Variants in CTSD observed in about 807,000 individuals in gnomAD.
The protein encoded by CTSD is cathepsin D, also known as ceroid-lipofuscinosis, neuronal 10.
A neutral mutation model predicts 43.6 loss-of-function variants in CTSD; 28 were observed. The ratio of observed to expected loss-of-function variants is 0.64; its 90% CI spans 0.48 to 0.88. The LOEUF is 0.88. CTSD is among the 40% of genes least tolerant of loss of function. CTSD has a pLI of 0.00. For synonymous variants in CTSD, 270 were observed against 249.8 expected (o/e 1.08, Z -0.76); for missense variants, 485 against 555.2 (o/e 0.87, Z 1.27).
Position 1,763,873 on chromosome 11 carries a change from G to A in CTSD, c.-14C>T, listed in dbSNP as rs1378764378. On this transcript the variant is annotated 5_prime_UTR_variant, in exon 1 of 9. Transcript: ENST00000236671. ...GGAGGGCTGCATGGCGGCGGCGGCC[G>A]GGTCGGAGAGGGTCGCCGAGGCCGT... The A allele has an allele frequency of 1.3e-6, 2 of 1,520,122 alleles. No homozygotes were observed. Among genetic ancestry groups the A allele is most frequent in the South Asian group, 1.2e-5 (1 of 82,128 alleles). 94.2% of individuals were successfully genotyped at this position (1,520,122 alleles called of 1,614,324 possible). A position where few individuals can be genotyped will look rare whatever the true frequency, so the allele number is the denominator to read the frequency against.
In CTSD at chr11:1,754,348, T is replaced by TGAGGGGCATGGAGGGATGGAGGGATG. The variant is rs1565019151; in HGVS notation, c.828-211_828-210insCATCCCTCCATCCCTCCATGCCCCTC. 1,788 of 381,008 alleles carry TGAGGGGCATGGAGGGATGGAGGGATG rather than the reference T, an allele frequency of 4.7e-3. 8 individuals are homozygous for TGAGGGGCATGGAGGGATGGAGGGATG. The highest frequency in any genetic ancestry group is 7.0e-3 in the Non-Finnish European group (1,491 of 213,376). The allele number at this position is 381,008 out of a possible 1,614,324, so 23.6% of individuals were successfully genotyped here. A position where few individuals can be genotyped will look rare whatever the true frequency, so the allele number is the denominator to read the frequency against. ...GGGGTGGGAGACCCTCAGGTGGTGGTGAGGGGCATGGAGGGATGGAGGGGA... is the reference window on the plus strand; with the variant it reads ...GGGGTGGGAGACCCTCAGGTGGTGGTGAGGGGCATGGAGGGATGGAGGGATGGAGGGGCATGGAGGGATGGAGGGGA... On this transcript the variant is annotated intron_variant, in intron 6 of 8. Transcript: ENST00000236671.
At chr11:1,756,813 A>C (rs1845815007) in intron 5 of CTSD, among the ~76,000 whole-genome samples, 1 of 152,196 alleles carries the variant, frequency 6.6e-6, no homozygotes, top group Non-Finnish European at 1.5e-5. Context: ...CCTCGAGGGC[A>C]GCCGGCACCT....
At chr11:1,761,010 G>A in intron 2 of CTSD, 1 of 451,964 alleles carries the variant, frequency 2.2e-6, no homozygotes, top group South Asian at 2.1e-5. Context: ...AGGTCAGCCG[G>A]CCACACTCAG....
chr11:1,754,038 C>G lies in CTSD; in HGVS notation c.928G>C (p.Glu310Gln). ...ACGGCCCCGATGGCCTTCTGCAGCTCGCGCACCTCATCCACCGGGCCCACC... is the reference window on the plus strand; with the variant it reads ...ACGGCCCCGATGGCCTTCTGCAGCTGGCGCACCTCATCCACCGGGCCCACC... ...LMVGPVDEVR[E>Q]LQKAIGAVPL... The change falls in exon 7 of 9, where the codon GAG becomes CAG. Residue 310 changes from glutamate (E) to glutamine (Q), a missense_variant. By Grantham distance (29) the Glu-to-Gln change is conservative. Coordinates refer to ENST00000236671, the MANE Select transcript of CTSD (RefSeq NM_001909.5). 1.2e-6 allele frequency: 2 copies of G among 1,610,340 alleles called. No homozygotes were observed. Among genetic ancestry groups the G allele is most frequent in the South Asian group, 2.2e-5 (2 of 90,888 alleles).
At chr11:1,756,978 C>G (rs1413698925) in intron 5 of CTSD, among the ~76,000 whole-genome samples, 1 of 152,204 alleles carries the variant, frequency 6.6e-6, no homozygotes, top group African/African-American at 2.4e-5. Flanking sequence ...ATCACCAGGT[C>G]TGGGGACCGA....
intron 2 of CTSD, chr11:1,761,018 C>A: frequency 2.1e-6 from 1 of 466,216 alleles, no homozygotes; most frequent in East Asian, 4.3e-5. Context: ...CGGCCACACT[C>A]AGGCAGGCCC....
intron 2 of CTSD, among the ~76,000 whole-genome samples, chr11:1,759,950 G>T (rs1845854929): frequency 6.6e-6 from 1 of 152,332 alleles, no homozygotes; most frequent in African/African-American, 2.4e-5. Flanking sequence ...CAGAGGTCAA[G>T]CCAGGGTGGG....
Position 1,753,978 on chromosome 11 carries a change from AGCCCCC to A in CTSD, c.972+10_972+15del, listed in dbSNP as rs769301773. The A allele has an allele frequency of 1.3e-5, 14 of 1,086,784 alleles. No homozygotes were observed. Among genetic ancestry groups the A allele is most frequent in the South Asian group, 3.7e-5 (3 of 80,852 alleles). The allele number at this position is 1,086,784 out of a possible 1,614,324, so 67.3% of individuals were successfully genotyped here. On this transcript the variant is annotated intron_variant, in intron 7 of 8. Coordinates refer to ENST00000236671, the MANE Select transcript of CTSD (RefSeq NM_001909.5). ...CCCTGCCAGCCCCAGCCCCAGCCCC[AGCCCCC>A]GGCGCTCACCTCGCCCTGAATCAGC...
intron 2 of CTSD, chr11:1,761,055 C>A: frequency 1.9e-6 from 1 of 529,556 alleles, no homozygotes; most frequent in Non-Finnish European, 3.4e-6. Flanking sequence ...GGCGAGCTGG[C>A]ACCAAGGCCC....
chr11:1,761,745 C>T lies in CTSD; in HGVS notation c.69-277G>A, dbSNP rs116429363. 2,281 of 529,212 alleles carry T rather than the reference C, an allele frequency of 4.3e-3. 44 individuals carry two copies. The highest frequency in any genetic ancestry group is 0.04 in the African/African-American group (2,072 of 52,416). 32.8% of individuals were successfully genotyped at this position (529,212 alleles called of 1,614,324 possible). A position where few individuals can be genotyped will look rare whatever the true frequency, so the allele number is the denominator to read the frequency against. ...CACACCCAACCTGGGGGCCAGTGTG[C>T]CCAACCCTCCTCTCCTCAGCCATTC... On this transcript the variant is annotated intron_variant, in intron 1 of 8. Transcript: ENST00000236671.
At chr11:1,761,121 C>T (rs1845870496) in intron 2 of CTSD, 188 bp downstream of exon 2, 2 of 663,310 alleles carry the variant, frequency 3.0e-6, no homozygotes, top group Non-Finnish European at 5.4e-6. Flanking sequence ...CCTGCAATGA[C>T]AGGGGCCAGT....
chr11:1,754,176 G>C (rs987533361), intron 6 of CTSD, 38 bp from the exon 7 acceptor site: 1 of 1,596,194 alleles, frequency 6.3e-7, no homozygotes, highest in African/African-American at 1.3e-5. Context: ...TGCCGGGACT[G>C]GAGTGTGCCC....
In CTSD at chr11:1,761,560, G is replaced by C. The variant is rs899955569; in HGVS notation, c.69-92C>G. ...GCACATCCACCTGGAGGCCCCTGGGGAATCTCAGAGTCGCCACAGCCAAAA... is the reference window on the plus strand; with the variant it reads ...GCACATCCACCTGGAGGCCCCTGGGCAATCTCAGAGTCGCCACAGCCAAAA... On this transcript the variant is annotated intron_variant, in intron 1 of 8. Coordinates refer to ENST00000236671, the MANE Select transcript of CTSD (RefSeq NM_001909.5). 14 of 1,421,616 alleles carry C rather than the reference G, an allele frequency of 9.8e-6. No individual in the cohort carries two copies. In the African/African-American group the frequency reaches 1.7e-4, roughly 17 times the overall value. The allele number at this position is 1,421,616 out of a possible 1,614,324, so 88.1% of individuals were successfully genotyped here.
Position 1,755,032 on chromosome 11 carries a change from G to A in CTSD, c.705-4C>T, listed in dbSNP as rs1057521968. 2.5e-6 allele frequency: 4 copies of A among 1,613,640 alleles called. No individual in the cohort carries two copies. The Admixed American group carries it at 5.0e-5, about 20-fold the overall frequency. On this transcript the variant is annotated splice_polypyrimidine_tract_variant and splice_region_variant and intron_variant, in intron 5 of 8. Transcript: ENST00000236671. Reference sequence around the variant, plus strand: ...CCCAGGCTGCGCATCTGGGTCCCTAGGAGGAAAAGGGAGGAGTCAGCTGCC... The same window carrying A: ...CCCAGGCTGCGCATCTGGGTCCCTAAGAGGAAAAGGGAGGAGTCAGCTGCC...
chr11:1,753,331 G>T lies in CTSD; in HGVS notation c.*172C>A. The stretch of plus-strand genomic sequence containing the variant: ...AGGCAGCATTTCTGAACCCAGGGAG[G>T]GGAAAACCACAGAACAAAACAGCAA... On this transcript the variant is annotated 3_prime_UTR_variant, in exon 9 of 9. Coordinates refer to ENST00000236671, the MANE Select transcript of CTSD (RefSeq NM_001909.5). The T allele has an allele frequency of 1.4e-6, 1 of 734,664 alleles. No individual in the cohort carries two copies. Among genetic ancestry groups the T allele is most frequent in the Non-Finnish European group, 2.4e-6 (1 of 423,898 alleles). 45.5% of individuals were successfully genotyped at this position (734,664 alleles called of 1,614,324 possible).
intron 4 of CTSD, among the ~76,000 whole-genome samples, chr11:1,758,665 G>A (rs1565021855): frequency 6.6e-6 from 1 of 152,112 alleles, no homozygotes; most frequent in Non-Finnish European, 1.5e-5. Context: ...AACACCTGCT[G>A]GCACCTCAAA....
At chr11:1,761,189 G>T in intron 2 of CTSD, 120 bp downstream of exon 2, 1 of 1,099,940 alleles carries the variant, frequency 9.1e-7, no homozygotes, top group Non-Finnish European at 1.4e-6. Context: ...ACGCCACCGT[G>T]GCCAGGTGAG....
Position 1,753,586 on chromosome 11 carries a change from C to T in CTSD, c.1156G>A (p.Gly386Ser). The T allele has an allele frequency of 1.2e-6, 2 of 1,613,120 alleles. No homozygotes were observed. The highest frequency in any genetic ancestry group is 1.1e-5 in the South Asian group (1 of 91,090). Residue 386 changes from glycine (G) to serine (S), a missense_variant, in exon 9 of 9, where the codon GGC (glycine) becomes AGC (serine). Coordinates refer to ENST00000236671, the MANE Select transcript of CTSD (RefSeq NM_001909.5). ...TAGTAGCGGCCGATGAAGACGTCGCCCAGGATCCAGAGTGGCCCGCTGGGT... is the reference window on the plus strand; with the variant it reads ...TAGTAGCGGCCGATGAAGACGTCGCTCAGGATCCAGAGTGGCCCGCTGGGT... The part of the protein sequence containing the change: ...PPPSGPLWIL[G>S]DVFIGRYYTV...
Position 1,753,488 on chromosome 11 carries a change from C to T in CTSD, c.*15G>A, listed in dbSNP as rs745784791. ...TCTCCTCTGTTTCTGTGCTGGCGCG[C>T]GGACGCCTTGGGAACTAGAGGCGGG... On this transcript the variant is annotated 3_prime_UTR_variant, in exon 9 of 9. Coordinates refer to ENST00000236671, the MANE Select transcript of CTSD (RefSeq NM_001909.5). The T allele has an allele frequency of 4.9e-5, 79 of 1,612,754 alleles. No homozygotes were observed. The Admixed American group carries it at 6.2e-4, about 13-fold the overall frequency.
Sources: gnomAD v4.1 joint callset for allele counts (sites outside exome capture counted in the v4.1 genomes callset) on GRCh38, gnomAD v4.1.1 for gene constraint, MANE v1.5 for transcripts, NCBI Gene and HGNC (gene_info 2026-07-23, HGNC 2026-07-21) for gene names.